Variants in PCDHGB7 observed in about 807,000 individuals in gnomAD.
PCDHGB7 encodes the protein protocadherin gamma subfamily B, 7, also known as protocadherin gamma-B7.
A neutral mutation model predicts 61.4 loss-of-function variants in PCDHGB7; 37 were observed. That is an observed-to-expected ratio of 0.60 (90% confidence interval 0.46 to 0.79). The LOEUF (loss-of-function observed/expected upper bound fraction) is 0.79. PCDHGB7 is among the 30% of genes least tolerant of loss of function. The pLI is 0.00. For missense variants in PCDHGB7, 1,166 were observed against 1,202.5 expected (o/e 0.97, Z 0.45); for synonymous variants, 464 against 503.5 (o/e 0.92, Z 1.05).
intron 1 of PCDHGB7, among the ~76,000 whole-genome samples, chr5:141,445,007 G>A (rs771023003): frequency 1.5e-4 from 23 of 151,994 alleles, no homozygotes; most frequent in Non-Finnish European, 2.4e-4. Flanking sequence ...ATTTAATTAG[G>A]TCTTTAATTT....
In PCDHGB7 at chr5:141,431,777, G is replaced by C. The variant is rs151011884; in HGVS notation, c.2415+11503G>C. 1.2e-6 allele frequency: 2 copies of C among 1,614,188 alleles called. No individual in the cohort carries two copies. The highest frequency in any genetic ancestry group is 4.5e-5 in the East Asian group (2 of 44,870). ...CAAAGTCCTGATCACTGTTCTGGAC[G>C]TGAACGACAATGCCCCAGAAGTGGT... On this transcript the variant is annotated intron_variant, in intron 1 of 3. Coordinates refer to ENST00000398594, the MANE Select transcript of PCDHGB7 (RefSeq NM_018927.4). The surrounding 1 kb of genome is among the most constrained non-coding windows in gnomAD (Gnocchi z 4.8).
At chr5:141,478,812 A>G (rs952753762) in intron 1 of PCDHGB7, 16 of 1,453,436 alleles carry the variant, frequency 1.1e-5, no homozygotes, top group Non-Finnish European at 1.4e-5. Flanking sequence ...TTGCTATCAC[A>G]ACTAACCAAT....
rs762200805 is a variant in PCDHGB7 at position 141,423,045 on chromosome 5, C to T, written c.2415+2771C>T. 8 of 1,614,210 alleles carry T rather than the reference C, an allele frequency of 5.0e-6. No homozygotes were observed. The East Asian group carries it at 1.8e-4, about 36-fold the overall frequency. ...ATTCAGGCCAGAACGCCTGGCTGTCCTATCGCCTGCTTAAGGCCAGCGAGC... is the reference window on the plus strand; with the variant it reads ...ATTCAGGCCAGAACGCCTGGCTGTCTTATCGCCTGCTTAAGGCCAGCGAGC... On this transcript the variant is annotated intron_variant, in intron 1 of 3. Transcript: ENST00000398594.
intron 1 of PCDHGB7, among the ~76,000 whole-genome samples, chr5:141,433,789 A>G (rs1388423731): frequency 6.7e-6 from 1 of 148,972 alleles, no homozygotes; most frequent in Non-Finnish European, 1.5e-5. Flanking sequence ...ATGAGCTGAG[A>G]TTGTGCCATT....
intron 1 of PCDHGB7, chr5:141,440,019 G>A (rs747595475): frequency 6.5e-5 from 10 of 153,114 alleles, no homozygotes; most frequent in Non-Finnish European, 8.8e-5. Flanking sequence ...AAGGATCTGG[G>A]ACTCAGTGTC....
intron 1 of PCDHGB7, among the ~76,000 whole-genome samples, chr5:141,456,935 C>T (rs894385178): frequency 5.9e-5 from 9 of 152,178 alleles, no homozygotes; most frequent in African/African-American, 2.2e-4. Context: ...TGCACTCCAG[C>T]CTGGGCAACA....
At chr5:141,438,571 TATACATACATAC>T (rs1212381177) in intron 1 of PCDHGB7, among the ~76,000 whole-genome samples, 4 of 94,544 alleles carry the variant, frequency 4.2e-5, no homozygotes, top group African/African-American at 9.7e-5. Context: ...AGCTGTCTGA[TATACATACATAC>T]ATACATACAT....
At chr5:141,422,044 G>C in intron 1 of PCDHGB7, 1 of 1,611,530 alleles carries the variant, frequency 6.2e-7, no homozygotes, top group Admixed American at 1.7e-5. Flanking sequence ...TCCAGACGAG[G>C]GAATCAACGG....
At position 141,490,551 on chromosome 5, in the gene PCDHGB7, T is replaced by C; in HGVS notation, c.2416-4256T>C. On this transcript the variant is annotated intron_variant, in intron 1 of 3. Coordinates refer to ENST00000398594, the MANE Select transcript of PCDHGB7 (RefSeq NM_018927.4). The surrounding 1 kb of genome is among the most constrained non-coding windows in gnomAD (Gnocchi z 5.4). ...CTGGTTCACCTTCCCTACACAAACA[T>C]CTCACCATCAGGCTCAACATTTCAG... 1 of 1,614,088 alleles carries C rather than the reference T, an allele frequency of 6.2e-7. No individual in the cohort carries two copies. The highest frequency in any genetic ancestry group is 1.1e-5 in the South Asian group (1 of 91,086).
At position 141,485,305 on chromosome 5, in the gene PCDHGB7, T is replaced by C. The variant is rs1344645695; in HGVS notation, c.2416-9502T>C. The C allele has an allele frequency of 3.7e-6, 6 of 1,614,000 alleles. No individual in the cohort carries two copies. In the East Asian group the frequency reaches 1.3e-4, roughly 36 times the overall value. Reference sequence around the variant, plus strand: ...CAGAGGAGTCACAGGAAGGGACTTTTGTAGGGAATGTCGCTCAAGATTTCC... The same window carrying C: ...CAGAGGAGTCACAGGAAGGGACTTTCGTAGGGAATGTCGCTCAAGATTTCC... On this transcript the variant is annotated intron_variant, in intron 1 of 3. Coordinates refer to ENST00000398594, the MANE Select transcript of PCDHGB7 (RefSeq NM_018927.4). This position sits in a 1 kb window ranked among gnomAD's most constrained non-coding sequence, Gnocchi z 5.7.
At position 141,417,776 on chromosome 5, in the gene PCDHGB7, C is replaced by T. The variant is rs2096161387; in HGVS notation, c.-84C>T. 6.8e-7 allele frequency: 1 copy of T among 1,469,712 alleles called. No homozygotes were observed. The highest frequency in any genetic ancestry group is 1.4e-5 in the South Asian group (1 of 71,226). The allele number at this position is 1,469,712 out of a possible 1,614,324, so 91.0% of individuals were successfully genotyped here. On this transcript the variant is annotated 5_prime_UTR_variant, in exon 1 of 4. Transcript: ENST00000398594. ...CTCCGAGACCCGGGACTCCTCCTGT[C>T]CTGGGCCGAATGCTCTTTTAGCGCG...
intron 1 of PCDHGB7, among the ~76,000 whole-genome samples, chr5:141,458,909 T>G (rs548847649): frequency 6.6e-6 from 1 of 152,192 alleles, no homozygotes; most frequent in African/African-American, 2.4e-5. Context: ...TTTTTTCTAT[T>G]TTTTGTGGAG....
At chr5:141,460,864 A>C (rs1220160866) in intron 1 of PCDHGB7, among the ~76,000 whole-genome samples, 1 of 151,800 alleles carries the variant, frequency 6.6e-6, no homozygotes, top group East Asian at 1.9e-4. Flanking sequence ...AAGTTGCTGC[A>C]AAGGACATTA....
At chr5:141,423,091 G>C (rs1243671863) in intron 1 of PCDHGB7, 11 of 1,613,908 alleles carry the variant, frequency 6.8e-6, no homozygotes, top group South Asian at 2.2e-5. Context: ...CGCGGTGGGG[G>C]AGCACACGGG....
intron 1 of PCDHGB7, among the ~76,000 whole-genome samples, chr5:141,467,735 C>T (rs557555571): frequency 3.3e-5 from 5 of 152,182 alleles, no homozygotes; most frequent in East Asian, 3.9e-4. Flanking sequence ...AATCCCAGCT[C>T]GCTGCAACCT....
Position 141,490,866 on chromosome 5 carries a change from C to T in PCDHGB7, c.2416-3941C>T, listed in dbSNP as rs1408465290. The T allele has an allele frequency of 6.2e-7, 1 of 1,613,906 alleles. No homozygotes were observed. The highest frequency in any genetic ancestry group is 1.7e-5 in the Admixed American group (1 of 60,012). ...TGGGGGTTCGAGACTCCGGCTCTCC[C>T]CCATTGCATGCCAACACATCTCTGC... On this transcript the variant is annotated intron_variant, in intron 1 of 3. Coordinates refer to ENST00000398594, the MANE Select transcript of PCDHGB7 (RefSeq NM_018927.4). The surrounding 1 kb of genome is among the most constrained non-coding windows in gnomAD (Gnocchi z 5.4).
rs141873183 is a variant in PCDHGB7 at position 141,511,011 on chromosome 5, C to T, written c.2628C>T (p.Tyr876=). The T allele has an allele frequency of 1.5e-5, 24 of 1,614,082 alleles. No individual in the cohort carries two copies. Among genetic ancestry groups the T allele is most frequent in the Middle Eastern group, 1.6e-4 (1 of 6,084 alleles). Residue 876 remains tyrosine (Y), a synonymous_variant, in exon 4 of 4, where the codon TAC becomes TAT. Transcript: ENST00000398594. ...GAGTMGLSAR[Y]GPQFTLQHVP... The stretch of plus-strand genomic sequence containing the variant: ...GCACCATGGGATTGAGCGCCCGCTA[C>T]GGACCCCAGTTCACCCTGCAGCACG...
intron 1 of PCDHGB7, among the ~76,000 whole-genome samples, chr5:141,472,310 G>A (rs2099276586): frequency 6.6e-6 from 1 of 152,040 alleles, no homozygotes; most frequent in Non-Finnish European, 1.5e-5. Flanking sequence ...GGGAAGCCGA[G>A]GCAGGCAGAT....
At chr5:141,472,017 T>C (rs2154571143) in intron 1 of PCDHGB7, among the ~76,000 whole-genome samples, 1 of 152,290 alleles carries the variant, frequency 6.6e-6, no homozygotes, top group South Asian at 2.1e-4. Context: ...GGGCACTATA[T>C]TGTATGTAGA....
Sources: gnomAD v4.1 joint callset for allele counts (sites outside exome capture counted in the v4.1 genomes callset) on GRCh38, gnomAD v4.1.1 for gene constraint, Gnocchi (gnomAD v3.1) non-coding constraint, MANE v1.5 for transcripts, NCBI Gene and HGNC (gene_info 2026-07-23, HGNC 2026-07-21) for gene names.